NTRK3: variants seen among roughly 807,000 people sequenced by gnomAD.
NTRK3 encodes NT-3 growth factor receptor.
NTRK3 carries 24 observed loss-of-function variants against 91.7 expected under a neutral mutation model. The observed-to-expected ratio is 0.26, with a 90% CI of 0.19 to 0.37. The LOEUF is 0.37. Among genes scored for constraint, NTRK3 ranks in the 10% least tolerant of loss-of-function variants. The pLI, the probability that NTRK3 is intolerant of heterozygous loss-of-function variation, is 1.00. For synonymous variants in NTRK3, 483 were observed against 404.0 expected (o/e 1.20, Z -2.34); for missense variants, 880 against 1,068.9 (o/e 0.82, Z 2.46).
At chr15:87,982,230 A>G (rs1321898094) in intron 14 of NTRK3, among the ~76,000 whole-genome samples, 1 of 152,200 alleles carries the variant, frequency 6.6e-6, no homozygotes, top group Non-Finnish European at 1.5e-5. Context: ...CTGAAGCCTG[A>G]TAGCATAAGA....
At chr15:88,209,433 C>G (rs893814057) in intron 3 of NTRK3, among the ~76,000 whole-genome samples, 7 of 152,196 alleles carry the variant, frequency 4.6e-5, no homozygotes, top group African/African-American at 1.7e-4. Flanking sequence ...CTAGGATGCC[C>G]TATCAGTCAG....
At chr15:88,128,359 C>A (rs553133974) in intron 11 of NTRK3, among the ~76,000 whole-genome samples, 1 of 152,300 alleles carries the variant, frequency 6.6e-6, no homozygotes, top group South Asian at 2.1e-4. Flanking sequence ...GTTCCATATT[C>A]TCTCTGCAAG....
chr15:88,093,382 A>G (rs191786595), intron 13 of NTRK3, among the ~76,000 whole-genome samples: 202 of 152,244 alleles, frequency 1.3e-3, no homozygotes, highest in South Asian at 0.011. Context: ...CATGATTAGA[A>G]AGCAGGAAGG....
At chr15:88,209,041 T>C (rs2141390388) in intron 3 of NTRK3, among the ~76,000 whole-genome samples, 1 of 152,306 alleles carries the variant, frequency 6.6e-6, no homozygotes, top group East Asian at 1.9e-4. Context: ...AATAAATCTA[T>C]GTGTAATTAT....
chr15:88,210,488 G>A (rs1405532001), intron 3 of NTRK3, among the ~76,000 whole-genome samples: 2 of 152,180 alleles, frequency 1.3e-5, no homozygotes, highest in African/African-American at 4.8e-5. Flanking sequence ...TTCCTCAATT[G>A]GTTTCTTGCC....
At chr15:88,203,874 T>A (rs1010792723) in intron 3 of NTRK3, among the ~76,000 whole-genome samples, 2 of 152,326 alleles carry the variant, frequency 1.3e-5, no homozygotes, top group African/African-American at 2.4e-5. Flanking sequence ...ATAATTTTTT[T>A]AAATGTTACT....
rs770668339 is a variant in NTRK3 at position 88,002,168 on chromosome 15, G to GTTTTTTTTTTTT, written c.1585+30677_1585+30688dup. On this transcript the variant is annotated intron_variant, in intron 14 of 18. Coordinates refer to ENST00000394480, the Ensembl canonical transcript of NTRK3. ...TTTCTCTCTCTGAAGGATAGTGGTT[G>GTTTTTTTTTTTT]TTTTTTTTTTTTTTTTTTTTTTTTT... 1.7e-4 allele frequency among the ~76,000 whole-genome samples: 12 copies of GTTTTTTTTTTTT among 70,184 alleles called. 2 individuals are homozygous for GTTTTTTTTTTTT. Among genetic ancestry groups the GTTTTTTTTTTTT allele is most frequent in the African/African-American group, 6.9e-4 (12 of 17,288 alleles). 46.0% of individuals were successfully genotyped at this position (70,184 alleles called of 152,430 possible).
chr15:88,195,230 G>C (rs2047716441), intron 3 of NTRK3, among the ~76,000 whole-genome samples: 1 of 152,206 alleles, frequency 6.6e-6, no homozygotes, highest in African/African-American at 2.4e-5. Flanking sequence ...TGATGCTCTA[G>C]ATAACTCATT....
intron 5 of NTRK3, among the ~76,000 whole-genome samples, chr15:88,175,653 T>C (rs2045928760): frequency 6.6e-6 from 1 of 152,198 alleles, no homozygotes; most frequent in African/African-American, 2.4e-5. Flanking sequence ...TAAAGAATAA[T>C]AACAGCAATC....
At chr15:88,213,504 C>T (rs2049445007) in intron 3 of NTRK3, among the ~76,000 whole-genome samples, 1 of 152,146 alleles carries the variant, frequency 6.6e-6, no homozygotes, top group Non-Finnish European at 1.5e-5. Context: ...CCCAGACAGA[C>T]AGACAGACAG....
chr15:88,207,720 T>G (rs559215293), intron 3 of NTRK3, among the ~76,000 whole-genome samples: 1 of 129,800 alleles, frequency 7.7e-6, no homozygotes, highest in Non-Finnish European at 1.8e-5. Context: ...TTTCCCCAGA[T>G]AAGCCAAGGC....
chr15:88,082,430 G>A (rs906534065), intron 13 of NTRK3, among the ~76,000 whole-genome samples: 1 of 152,156 alleles, frequency 6.6e-6, no homozygotes, highest in Non-Finnish European at 1.5e-5. Context: ...GGAAGTTTTT[G>A]CATGTGTGTA....
In NTRK3 at chr15:88,255,466, G is replaced by A. The variant is rs2053937689; in HGVS notation, c.248+440C>T. On this transcript the variant is annotated intron_variant, in intron 3 of 18. Coordinates refer to ENST00000394480, the Ensembl canonical transcript of NTRK3. The surrounding 1 kb of genome is among the most constrained non-coding windows in gnomAD (Gnocchi z 4.3). Reference sequence around the variant, plus strand: ...GTCCCTATCTGTCACCTTCCCTGCCGGCTAAGCGCTGCCGCCGCTGCCACC... The same window carrying A: ...GTCCCTATCTGTCACCTTCCCTGCCAGCTAAGCGCTGCCGCCGCTGCCACC... 6.6e-6 allele frequency among the ~76,000 whole-genome samples: 1 copy of A among 152,188 alleles called. No homozygotes were observed. Among genetic ancestry groups the A allele is most frequent in the South Asian group, 2.1e-4 (1 of 4,836 alleles).
At chr15:87,916,546 T>A in intron 17 of NTRK3, 1 of 702,400 alleles carries the variant, frequency 1.4e-6, no homozygotes. Flanking sequence ...GTATCAGTCC[T>A]CATGCCTGCA....
intron 3 of NTRK3, among the ~76,000 whole-genome samples, chr15:88,193,177 C>A (rs1180630244): frequency 2.0e-5 from 3 of 152,120 alleles, no homozygotes; most frequent in African/African-American, 7.2e-5. Context: ...ACCCTCAGTA[C>A]CTGCACGGCC....
At chr15:87,999,014 G>T (rs1433687506) in intron 14 of NTRK3, among the ~76,000 whole-genome samples, 1 of 152,074 alleles carries the variant, frequency 6.6e-6, no homozygotes, top group Non-Finnish European at 1.5e-5. Context: ...CTTCCCAAAG[G>T]ATCCCCATTT....
chr15:87,990,445 T>C (rs183532482), intron 14 of NTRK3, among the ~76,000 whole-genome samples: 1 of 152,310 alleles, frequency 6.6e-6, no homozygotes, highest in East Asian at 1.9e-4. Flanking sequence ...CATCACTTTT[T>C]ATTTCTGTAC....
At chr15:88,052,114 T>C (rs2080885096) in intron 13 of NTRK3, among the ~76,000 whole-genome samples, 1 of 152,226 alleles carries the variant, frequency 6.6e-6, no homozygotes, top group African/African-American at 2.4e-5. Context: ...TGGATGAACA[T>C]AGTTCCCTAA....
At chr15:88,170,379 G>A (rs569772634) in intron 5 of NTRK3, among the ~76,000 whole-genome samples, 3 of 152,266 alleles carry the variant, frequency 2.0e-5, no homozygotes, top group East Asian at 3.9e-4. Flanking sequence ...AAACCCAAGA[G>A]GATAAAGTCC....
Sources: gnomAD v4.1 joint callset for allele counts (sites outside exome capture counted in the v4.1 genomes callset) on GRCh38, gnomAD v4.1.1 for gene constraint, Gnocchi (gnomAD v3.1) non-coding constraint, MANE v1.5 for transcripts, NCBI Gene and HGNC (gene_info 2026-07-23, HGNC 2026-07-21) for gene names.